The following FSD2 variants were observed in gnomAD, a reference collection of about 807,000 sequenced individuals.
FSD2 encodes fibronectin type III and SPRY domain-containing protein 2.
In FSD2, 71 loss-of-function variants were observed where a neutral mutation model predicts 80.4. That is an observed-to-expected ratio of 0.88 (90% CI 0.73 to 1.08). The LOEUF is 1.08. Ranked by LOEUF, FSD2 falls within the 50% of genes least tolerant of loss-of-function variation. The pLI is 0.00. For missense variants in FSD2, 923 were observed against 913.8 expected, an observed-to-expected ratio of 1.01 and a Z score of -0.13; for synonymous variants, 361 against 329.5, an observed-to-expected ratio of 1.10 and a Z score of -1.03.
At chr15:82,790,733 G>A (rs1474331416) in intron 1 of FSD2, among the ~76,000 whole-genome samples, 3 of 138,404 alleles carry the variant, frequency 2.2e-5, no homozygotes, top group African/African-American at 5.4e-5. Flanking sequence ...CCGCCACCAT[G>A]CCCAGCTAAT....
Position 82,790,573 on chromosome 15 carries a change from C to CGT in FSD2, c.-78-3107_-78-3106dup, listed in dbSNP as rs1001546782. ...GTGTGTGTGTGTGTGTGTGTTCGTG[C>CGT]GTGTGTGTGTGTGTGTGTTTGAGAC... On this transcript the variant is annotated intron_variant, in intron 1 of 12. Transcript: ENST00000334574. 2.4e-3 allele frequency among the ~76,000 whole-genome samples: 235 copies of CGT among 99,914 alleles called. No individual in the cohort carries two copies. The Middle Eastern group carries it at 0.024, about 10-fold the overall frequency. 65.5% of individuals were successfully genotyped at this position (99,914 alleles called of 152,430 possible).
chr15:82,803,915 G>A (rs1208557203), intron 1 of FSD2, among the ~76,000 whole-genome samples: 1 of 152,042 alleles, frequency 6.6e-6, no homozygotes, highest in African/African-American at 2.4e-5. Context: ...TAACTTTAAT[G>A]GACTATAAAA....
chr15:82,774,815 G>A (rs896754312), intron 6 of FSD2, among the ~76,000 whole-genome samples: 11 of 151,162 alleles, frequency 7.3e-5, no homozygotes, highest in Non-Finnish European at 1.3e-4. Flanking sequence ...TCCACCTCCC[G>A]GATTCAAGCC....
chr15:82,766,280 C>G (rs913905874), intron 9 of FSD2, among the ~76,000 whole-genome samples: 1 of 152,214 alleles, frequency 6.6e-6, no homozygotes, highest in African/African-American at 2.4e-5. Flanking sequence ...GTCCCTCATT[C>G]TGGTTTCCCA....
rs531769991 is a variant in FSD2 at position 82,756,909 on chromosome 15, T to C, written c.*2439A>G. On this transcript the variant is annotated 3_prime_UTR_variant, in exon 13 of 13. Transcript: ENST00000334574. ...TTTGCTTTGTTTTTTAACAGACTTA[T>C]CAGCAGGTTGCAGGTGAACATGGCC... 4 of 152,356 alleles carry C rather than the reference T, an allele frequency of 2.6e-5. No individual in the cohort carries two copies. In the East Asian group the frequency reaches 7.7e-4, roughly 29 times the overall value. 9.4% of individuals were successfully genotyped at this position (152,356 alleles called of 1,614,324 possible).
Position 82,757,330 on chromosome 15 carries a change from T to C in FSD2, c.*2018A>G, listed in dbSNP as rs1240792437. The C allele has an allele frequency of 6.6e-6, 1 of 151,830 alleles. No individual in the cohort carries two copies. 9.4% of individuals were successfully genotyped at this position (151,830 alleles called of 1,614,324 possible). On this transcript the variant is annotated 3_prime_UTR_variant, in exon 13 of 13. Coordinates refer to ENST00000334574, the MANE Select transcript of FSD2 (RefSeq NM_001007122.4). ...GATATCCTGTTTCTTACTTGGTAGT[T>C]TCTATTTCAGTAGCTGAGAACTTTT...
intron 8 of FSD2, among the ~76,000 whole-genome samples, chr15:82,769,355 A>G (rs2049502679): frequency 6.6e-6 from 1 of 151,988 alleles, no homozygotes; most frequent in African/African-American, 2.4e-5. Context: ...GGATCACTTG[A>G]GGTCAGGAGT....
intron 1 of FSD2, among the ~76,000 whole-genome samples, chr15:82,802,607 T>G (rs1354770050): frequency 1.3e-5 from 2 of 152,150 alleles, no homozygotes; most frequent in African/African-American, 4.8e-5. Context: ...AGAATGAAGC[T>G]GAGCACAAGT....
At chr15:82,772,438 T>C (rs991531852) in intron 6 of FSD2, among the ~76,000 whole-genome samples, 1 of 152,178 alleles carries the variant, frequency 6.6e-6, no homozygotes. Context: ...CTTTGACAAG[T>C]GCAGATGAGC....
intron 4 of FSD2, among the ~76,000 whole-genome samples, chr15:82,782,196 C>T (rs1276061093): frequency 6.0e-5 from 9 of 150,938 alleles, no homozygotes; most frequent in Admixed American, 6.0e-4. Context: ...GAGATCAAGA[C>T]CATCCTGGCT....
rs780893938 is a variant in FSD2, at chr15:82,778,750, A to G, written c.1111+16T>C. 4 of 1,599,448 alleles carry G rather than the reference A, an allele frequency of 2.5e-6. No homozygotes were observed. The South Asian group carries it at 3.4e-5, about 13-fold the overall frequency. ...GTAGTCTGAACCTGCCGCGAAGTAC[A>G]CACACAGGTGAGCACCTGGAATGGT... On this transcript the variant is annotated intron_variant, in intron 6 of 12. Coordinates refer to ENST00000334574, the MANE Select transcript of FSD2 (RefSeq NM_001007122.4).
At chr15:82,764,196 G>A (rs1053103023) in intron 11 of FSD2, among the ~76,000 whole-genome samples, 1 of 152,138 alleles carries the variant, frequency 6.6e-6, no homozygotes, top group Non-Finnish European at 1.5e-5. Flanking sequence ...TAAATTAAAC[G>A]GAAAAACCCC....
chr15:82,757,084 A>G lies in FSD2; in HGVS notation c.*2264T>C, dbSNP rs2049191893. Reference sequence around the variant, plus strand: ...AATAAATGAGAAAGATGTTTCAACAAAGGCTCTTTATGCTGAATAATTGTG... The same window carrying G: ...AATAAATGAGAAAGATGTTTCAACAGAGGCTCTTTATGCTGAATAATTGTG... On this transcript the variant is annotated 3_prime_UTR_variant, in exon 13 of 13. Coordinates refer to ENST00000334574, the MANE Select transcript of FSD2 (RefSeq NM_001007122.4). 1 of 152,212 alleles carries G rather than the reference A, an allele frequency of 6.6e-6. No homozygotes were observed. The highest frequency in any genetic ancestry group is 1.5e-5 in the Non-Finnish European group (1 of 68,034). The allele number at this position is 152,212 out of a possible 1,614,324, so 9.4% of individuals were successfully genotyped here.
intron 1 of FSD2, among the ~76,000 whole-genome samples, chr15:82,805,005 T>A (rs1394504353): frequency 6.6e-6 from 1 of 152,144 alleles, no homozygotes; most frequent in East Asian, 1.9e-4. Flanking sequence ...TTAGTCATAG[T>A]CCATTATGAA....
intron 1 of FSD2, among the ~76,000 whole-genome samples, chr15:82,803,576 C>T (rs2151547698): frequency 6.6e-6 from 1 of 152,254 alleles, no homozygotes; most frequent in Admixed American, 6.5e-5. Flanking sequence ...TTCCCTATCT[C>T]ACCACTGCTT....
intron 10 of FSD2, 81 bp from the exon 11 acceptor site, chr15:82,765,379 C>A (rs2151489735): frequency 3.2e-6 from 5 of 1,580,760 alleles, no homozygotes; most frequent in East Asian, 2.3e-5. Flanking sequence ...GGTTTAGCTT[C>A]GTGTGGGATA....
At position 82,786,984 on chromosome 15, in the gene FSD2, C is replaced by T. The variant is rs2050016283; in HGVS notation, c.407G>A (p.Gly136Glu). ...CTGGCACTGGCCTGCTGAGCCCCAC[C>T]CTCCGAAGCCCAGGTCCTCGGCCTC... Reference protein sequence around the residue: ...AAEAEDLGFGGWGSAGQCQDL... With the variant: ...AAEAEDLGFGEWGSAGQCQDL... Residue 136 changes from glycine (G) to glutamate (E), a missense_variant, in exon 2 of 13, where the codon GGG becomes GAG. Gly to Glu is a moderately conservative substitution (Grantham distance 98, BLOSUM62 -2). Transcript: ENST00000334574. The T allele has an allele frequency of 1.2e-6, 2 of 1,614,036 alleles. No individual in the cohort carries two copies. The highest frequency in any genetic ancestry group is 1.7e-6 in the Non-Finnish European group (2 of 1,179,892).
intron 1 of FSD2, among the ~76,000 whole-genome samples, chr15:82,798,696 T>C (rs991203215): frequency 1.3e-5 from 2 of 152,160 alleles, no homozygotes; most frequent in Non-Finnish European, 2.9e-5. Flanking sequence ...TCCCTATTTG[T>C]TCCACAGTTG....
At position 82,756,069 on chromosome 15, in the gene FSD2, G is replaced by A. The variant is rs1408787871; in HGVS notation, c.*3279C>T. 6.3e-6 allele frequency: 3 copies of A among 477,632 alleles called. No individual in the cohort carries two copies. Among genetic ancestry groups the A allele is most frequent in the Non-Finnish European group, 1.3e-5 (3 of 235,446 alleles). The allele number at this position is 477,632 out of a possible 1,614,324, so 29.6% of individuals were successfully genotyped here. A position where few individuals can be genotyped will look rare whatever the true frequency, so the allele number is the denominator to read the frequency against. The stretch of plus-strand genomic sequence containing the variant: ...TTCAAGACCTACTTATCTACCAACA[G>A]CAATTACACGCTTTCCATTGTCTTC... On this transcript the variant is annotated 3_prime_UTR_variant, in exon 13 of 13. Transcript: ENST00000334574.
Sources: gnomAD v4.1 joint callset for allele counts (sites outside exome capture counted in the v4.1 genomes callset) on GRCh38, gnomAD v4.1.1 for gene constraint, MANE v1.5 for transcripts, NCBI Gene and HGNC (gene_info 2026-07-23, HGNC 2026-07-21) for gene names.